AFF2: variants seen among roughly 807,000 people sequenced by gnomAD.
The protein encoded by AFF2 is AF4/FMR2 family member 2.
AFF2 carries 14 observed loss-of-function variants against 76.9 expected under a neutral mutation model. The observed-to-expected ratio is 0.18, with a 90% CI of 0.12 to 0.28. The LOEUF (loss-of-function observed/expected upper bound fraction) is 0.28, where lower values mean the gene tolerates loss of function less well. AFF2 is among the 10% of genes least tolerant of loss of function. AFF2 has a pLI of 1.00. For missense variants in AFF2, 868 were observed against 1,001.1 expected (o/e 0.87, Z 1.79); for synonymous variants, 398 against 366.7 (o/e 1.09, Z -0.98).
At chrX:148,847,597 A>G (rs1338185088) in intron 7 of AFF2, among the ~76,000 whole-genome samples, 1 of 111,590 alleles carries the variant, frequency 9.0e-6, no homozygotes, top group African/African-American at 3.3e-5. Context: ...AAAACATCCA[A>G]ACTCTAGATC....
chrX:148,831,828 A>T (rs1388647333), intron 4 of AFF2, among the ~76,000 whole-genome samples: 1 of 112,166 alleles, frequency 8.9e-6, no homozygotes, highest in Non-Finnish European at 1.9e-5. Flanking sequence ...CAGAACTGTC[A>T]GGAACCATGG....
chrX:148,896,876 T>C (rs1353087468), intron 8 of AFF2, among the ~76,000 whole-genome samples: 1 of 110,214 alleles, frequency 9.1e-6, no homozygotes, highest in Non-Finnish European at 1.9e-5. Context: ...GAAATAGTAA[T>C]GCTGTCTGTG....
chrX:148,780,829 A>G (rs1334811152), intron 3 of AFF2, among the ~76,000 whole-genome samples: 1 of 111,803 alleles, frequency 8.9e-6, no homozygotes, highest in Non-Finnish European at 1.9e-5. Flanking sequence ...GAGAAGAGGC[A>G]TTCTGGTTTT....
At chrX:148,868,123 T>C (rs1189097457) in intron 7 of AFF2, among the ~76,000 whole-genome samples, 3 of 111,664 alleles carry the variant, frequency 2.7e-5, no homozygotes, top group African/African-American at 9.8e-5. Context: ...TCTTACCTCC[T>C]CACCATGGAT....
chrX:148,517,784 G>A (rs1043051509), intron 1 of AFF2, among the ~76,000 whole-genome samples: 6 of 110,391 alleles, frequency 5.4e-5, no homozygotes, highest in Middle Eastern at 4.2e-3. Context: ...TTGGGAGGCC[G>A]AGGCAGGCGG....
chrX:148,995,966 G>A lies in AFF2; in HGVS notation c.*4634G>A, dbSNP rs1557293040. 8.9e-6 allele frequency: 1 copy of A among 112,581 alleles called. No homozygotes were observed. Among genetic ancestry groups the A allele is most frequent in the East Asian group, 2.8e-4 (1 of 3,557 alleles). The allele number at this position is 112,581 out of a possible 1,213,427, so 9.3% of individuals were successfully genotyped here. On this transcript the variant is annotated 3_prime_UTR_variant, in exon 21 of 21. Transcript: ENST00000370460. The stretch of plus-strand genomic sequence containing the variant: ...CAGCTGGGAATAGTTTGTTCCTATT[G>A]GGGAACTCATTGTTCTCCAGTCTCT...
chrX:148,795,433 G>A (rs929979543), intron 3 of AFF2, among the ~76,000 whole-genome samples: 1 of 109,950 alleles, frequency 9.1e-6, no homozygotes, highest in Admixed American at 9.8e-5. Flanking sequence ...TCCTGATAAG[G>A]TATAATGCTT....
intron 3 of AFF2, among the ~76,000 whole-genome samples, chrX:148,720,300 C>T (rs782260531): frequency 3.6e-5 from 4 of 110,266 alleles, no homozygotes; most frequent in Admixed American, 1.9e-4. Flanking sequence ...CGCAAATGTA[C>T]ATTGTCTTCC....
At chrX:148,741,727 C>T (rs2124564718) in intron 3 of AFF2, among the ~76,000 whole-genome samples, 1 of 111,304 alleles carries the variant, frequency 9.0e-6, no homozygotes, top group South Asian at 3.8e-4. Flanking sequence ...GAGTTTTACA[C>T]CCTGCTCCTC....
Position 148,987,563 on chromosome X carries a change from C to T in AFF2, c.3814+6C>T, listed in dbSNP as rs1557291743. 8.3e-7 allele frequency: 1 copy of T among 1,197,937 alleles called. No individual in the cohort carries two copies. Among genetic ancestry groups the T allele is most frequent in the African/African-American group, 1.8e-5 (1 of 56,993 alleles). ...ACTGACAAGAGAAAACAAAGGTATG[C>T]TCATCTGTTCTACCCATATAGCTCA... On this transcript the variant is annotated splice_donor_region_variant and intron_variant, in intron 20 of 20. Coordinates refer to ENST00000370460, the MANE Select transcript of AFF2 (RefSeq NM_002025.4).
chrX:148,557,111 G>A (rs782379429), intron 1 of AFF2, among the ~76,000 whole-genome samples: 3 of 112,043 alleles, frequency 2.7e-5, no homozygotes, highest in African/African-American at 9.7e-5. Context: ...AACTGTAGCT[G>A]AAGGTAATTC....
intron 1 of AFF2, among the ~76,000 whole-genome samples, chrX:148,622,013 T>C (rs1426663483): frequency 6.2e-5 from 7 of 112,506 alleles, no homozygotes; most frequent in African/African-American, 2.3e-4. Context: ...GTCAATTGTT[T>C]ACTTGAAATC....
At chrX:148,568,151 G>T (rs1172315280) in intron 1 of AFF2, among the ~76,000 whole-genome samples, 1 of 111,499 alleles carries the variant, frequency 9.0e-6, no homozygotes, top group Non-Finnish European at 1.9e-5. Flanking sequence ...GTCAAAAGGG[G>T]AGGAAAAAGA....
chrX:148,691,516 T>A (rs782350377), intron 3 of AFF2, among the ~76,000 whole-genome samples: 1 of 111,564 alleles, frequency 9.0e-6, no homozygotes, highest in Non-Finnish European at 1.9e-5. Flanking sequence ...AAGAACTAAT[T>A]TGACCTAGGA....
intron 20 of AFF2, among the ~76,000 whole-genome samples, chrX:148,989,116 C>T (rs955638495): frequency 1.8e-5 from 2 of 112,292 alleles, no homozygotes; most frequent in East Asian, 5.6e-4. Context: ...CCTCTGGAAA[C>T]TCAGAGACAA....
chrX:148,937,061 A>G, intron 9 of AFF2, among the ~76,000 whole-genome samples: 1 of 111,847 alleles, frequency 8.9e-6, no homozygotes, highest in Middle Eastern at 4.6e-3. Context: ...TATGGGTCCT[A>G]TGGGATAGGA....
intron 1 of AFF2, among the ~76,000 whole-genome samples, chrX:148,538,566 C>A (rs1845216311): frequency 8.9e-6 from 1 of 112,583 alleles, no homozygotes; most frequent in Non-Finnish European, 1.9e-5. Flanking sequence ...AAAGTTTAAG[C>A]AAAGCCTATT....
intron 1 of AFF2, among the ~76,000 whole-genome samples, chrX:148,636,518 G>A (rs995478960): frequency 5.5e-4 from 62 of 112,368 alleles, no homozygotes; most frequent in African/African-American, 1.9e-3. Context: ...GTGCCCAACA[G>A]CAAATGAATG....
At chrX:148,698,641 AT>A (rs1603279772) in intron 3 of AFF2, among the ~76,000 whole-genome samples, 1 of 112,280 alleles carries the variant, frequency 8.9e-6, no homozygotes. Context: ...GCATAAACAA[AT>A]GTTAAACTGC....
Sources: gnomAD v4.1 joint callset for allele counts (sites outside exome capture counted in the v4.1 genomes callset) on GRCh38, gnomAD v4.1.1 for gene constraint, MANE v1.5 for transcripts, NCBI Gene and HGNC (gene_info 2026-07-23, HGNC 2026-07-21) for gene names.